The following ESRRG variants were observed in gnomAD, a reference collection of about 807,000 sequenced individuals.
ESRRG encodes the protein estrogen related receptor gamma.
In ESRRG, 13 loss-of-function variants were observed where a neutral mutation model predicts 44.0. The ratio of observed to expected loss-of-function variants is 0.30; its 90% CI spans 0.19 to 0.47. The LOEUF is 0.47. ESRRG is among the 20% of genes least tolerant of loss of function. The pLI, the probability that ESRRG is intolerant of heterozygous loss-of-function variation, is 1.00. For missense variants in ESRRG, 395 were observed against 580.6 expected (o/e 0.68, Z 3.29); for synonymous variants, 215 against 214.6 (o/e 1.00, Z -0.02).
In ESRRG at chr1:216,519,426, A is replaced by G; in HGVS notation, c.863-5T>C. ...CCAGGGACAGCGTGGAGAAGCCTGC[A>G]TGGAAAGATGGGCAGATCAAGTTAC... On this transcript the variant is annotated splice_region_variant and splice_polypyrimidine_tract_variant and intron_variant, in intron 5 of 6. Transcript: ENST00000408911. The G allele has an allele frequency of 3.8e-6, 6 of 1,599,082 alleles. No individual in the cohort carries two copies. The highest frequency in any genetic ancestry group is 1.1e-5 in the South Asian group (1 of 88,846).
At chr1:216,968,462 AGTT>A (rs1578823475) in intron 1 of ESRRG, among the ~76,000 whole-genome samples, 1 of 152,160 alleles carries the variant, frequency 6.6e-6, no homozygotes, top group African/African-American at 2.4e-5. Flanking sequence ...GTGGATATCC[AGTT>A]GTTCAAGCAC....
intron 3 of ESRRG, among the ~76,000 whole-genome samples, chr1:216,649,613 T>C (rs1213847017): frequency 6.6e-6 from 1 of 152,094 alleles, no homozygotes; most frequent in African/African-American, 2.4e-5. Flanking sequence ...TAATGTATCT[T>C]GGTCATCTTT....
intron 1 of ESRRG, among the ~76,000 whole-genome samples, chr1:217,019,765 C>A (rs904088377): frequency 6.6e-6 from 1 of 152,160 alleles, no homozygotes; most frequent in African/African-American, 2.4e-5. Context: ...CAGGTGGGAA[C>A]GGCTCTGTCT....
intron 3 of ESRRG, among the ~76,000 whole-genome samples, chr1:216,603,999 T>C (rs542160781): frequency 4.0e-5 from 6 of 150,150 alleles, no homozygotes; most frequent in African/African-American, 1.2e-4. Context: ...CATCACACCC[T>C]AGTCACACAT....
At chr1:216,721,904 G>T (rs1388464184) in intron 1 of ESRRG, among the ~76,000 whole-genome samples, 1 of 152,096 alleles carries the variant, frequency 6.6e-6, no homozygotes, top group African/African-American at 2.4e-5. Context: ...ACTGATGCAA[G>T]CACAGCCTTA....
intron 5 of ESRRG, among the ~76,000 whole-genome samples, chr1:216,527,757 C>T (rs12125859): frequency 6.6e-6 from 1 of 151,950 alleles, no homozygotes; most frequent in African/African-American, 2.4e-5. Flanking sequence ...TTGCCATGAT[C>T]GTTGTCACTG....
intron 1 of ESRRG, among the ~76,000 whole-genome samples, chr1:217,032,305 C>T (rs764793148): frequency 3.9e-5 from 6 of 152,040 alleles, no homozygotes; most frequent in South Asian, 2.1e-4. Context: ...GGATCAGATC[C>T]CTAACCATTT....
intron 3 of ESRRG, among the ~76,000 whole-genome samples, chr1:216,594,309 A>AAT (rs1404487712): frequency 6.6e-6 from 1 of 152,212 alleles, no homozygotes; most frequent in Non-Finnish European, 1.5e-5. Context: ...TACAAATATA[A>AAT]ATACTCTCAT....
intron 2 of ESRRG, among the ~76,000 whole-genome samples, chr1:216,922,429 C>T (rs946825974): frequency 2.0e-5 from 3 of 152,046 alleles, no homozygotes; most frequent in African/African-American, 7.2e-5. Flanking sequence ...TGAGACTTTC[C>T]TGGGGAAATC....
intron 1 of ESRRG, among the ~76,000 whole-genome samples, chr1:216,685,306 T>G (rs2077728477): frequency 6.6e-6 from 1 of 152,166 alleles, no homozygotes; most frequent in African/African-American, 2.4e-5. Flanking sequence ...ATATGCTGAA[T>G]GTAACATTTA....
At chr1:216,661,747 A>T (rs892263074) in intron 2 of ESRRG, among the ~76,000 whole-genome samples, 15 of 151,894 alleles carry the variant, frequency 9.9e-5, no homozygotes, top group Non-Finnish European at 2.1e-4. Flanking sequence ...GTCAGAGAGG[A>T]AAAAATGGAA....
chr1:216,696,623 T>G (rs2151809471), intron 1 of ESRRG, among the ~76,000 whole-genome samples: 1 of 152,256 alleles, frequency 6.6e-6, no homozygotes, highest in East Asian at 1.9e-4. Context: ...TAAAACATAC[T>G]AAGATTATTT....
intron 3 of ESRRG, among the ~76,000 whole-genome samples, chr1:216,603,371 C>G (rs550218503): frequency 1.8e-3 from 280 of 152,276 alleles, no homozygotes; most frequent in African/African-American, 6.6e-3. Flanking sequence ...ATTGAAGTAG[C>G]ATGCAAATAT....
chr1:216,908,429 G>A (rs1174892692), intron 2 of ESRRG, among the ~76,000 whole-genome samples: 2 of 152,146 alleles, frequency 1.3e-5, no homozygotes, highest in African/African-American at 2.4e-5. Context: ...AGTGGATCAC[G>A]CAGACAAGGC....
chr1:216,630,880 GAT>G (rs2064044429), intron 3 of ESRRG, among the ~76,000 whole-genome samples: 1 of 151,510 alleles, frequency 6.6e-6, no homozygotes, highest in Non-Finnish European at 1.5e-5. Flanking sequence ...CTGTCCTGAT[GAT>G]AAACCTAATT....
rs76710269 is a variant in ESRRG at position 216,687,853 on chromosome 1, G to A, written c.57-10362C>T. ...TTTTTGTGAAATTTTGTTGAAATCAGTGCTAGTTTTGGTGATTGCTTCTGG... is the reference window on the plus strand; with the variant it reads ...TTTTTGTGAAATTTTGTTGAAATCAATGCTAGTTTTGGTGATTGCTTCTGG... On this transcript the variant is annotated intron_variant, in intron 1 of 6. Coordinates refer to ENST00000408911, the MANE Select transcript of ESRRG (RefSeq NM_001438.4). Among the ~76,000 whole-genome samples, 1,221 of 152,266 alleles carry A rather than the reference G, an allele frequency of 8.0e-3. 18 individuals carry two copies. The highest frequency in any genetic ancestry group is 0.028 in the African/African-American group (1,153 of 41,558).
rs562986121 is a variant in ESRRG at position 217,105,774 on chromosome 1, T to C, written c.-230+31893A>G. Among the ~76,000 whole-genome samples the C allele has an allele frequency of 3.9e-5, 6 of 152,272 alleles. No homozygotes were observed. The East Asian group carries it at 1.2e-3, about 29-fold the overall frequency. On this transcript the variant is annotated intron_variant, in intron 1 of 8. Transcript: ENST00000366940. ...AGCACCTGCCCCATTCTAGTAGCCATCCCTGTGTCTCAAGTCTCAGTGTTT... is the reference window on the plus strand; with the variant it reads ...AGCACCTGCCCCATTCTAGTAGCCACCCCTGTGTCTCAAGTCTCAGTGTTT...
chr1:216,941,108 G>A (rs1051770555), intron 1 of ESRRG, among the ~76,000 whole-genome samples: 16 of 152,112 alleles, frequency 1.1e-4, no homozygotes, highest in Admixed American at 1.0e-3. Context: ...TGACTCAAAT[G>A]TGAGAATCCA....
At chr1:216,665,747 T>A (rs1175604420) in intron 2 of ESRRG, among the ~76,000 whole-genome samples, 1 of 152,174 alleles carries the variant, frequency 6.6e-6, no homozygotes, top group Non-Finnish European at 1.5e-5. Context: ...ACAAACAGAT[T>A]AGCTTTTAAG....
Sources: gnomAD v4.1 joint callset for allele counts (sites outside exome capture counted in the v4.1 genomes callset) on GRCh38, gnomAD v4.1.1 for gene constraint, MANE v1.5 for transcripts, NCBI Gene and HGNC (gene_info 2026-07-23, HGNC 2026-07-21) for gene names.